The following PEX5L variants were observed in gnomAD, a reference collection of about 807,000 sequenced individuals.
The protein encoded by PEX5L is PEX5-related protein.
A neutral mutation model predicts 84.0 loss-of-function variants in PEX5L; 30 were observed. The observed-to-expected ratio is 0.36, with a 90% CI of 0.27 to 0.48. PEX5L has a LOEUF of 0.48. PEX5L is among the 20% of genes least tolerant of loss of function. The probability of loss-of-function intolerance (pLI) is 0.99; values close to 1 mark genes in which losing one functional copy is unlikely to be tolerated. For missense variants in PEX5L, 533 were observed against 754.6 expected (o/e 0.71, Z 3.44); for synonymous variants, 270 against 283.1 (o/e 0.95, Z 0.46).
chr3:179,958,325 A>G (rs1578975883), intron 2 of PEX5L, among the ~76,000 whole-genome samples: 1 of 152,202 alleles, frequency 6.6e-6, no homozygotes, highest in Non-Finnish European at 1.5e-5. Flanking sequence ...GTACTGCCGC[A>G]CAGGCTGTGT....
Position 179,802,025 on chromosome 3 carries a change from C to T in PEX5L, c.1684G>A (p.Val562Ile), listed in dbSNP as rs1386945342. 6.2e-7 allele frequency: 1 copy of T among 1,610,112 alleles called. No homozygotes were observed. Among genetic ancestry groups the T allele is most frequent in the Admixed American group, 1.7e-5 (1 of 60,010 alleles). The change falls in exon 15 of 15, where the codon GTC (valine) becomes ATC (isoleucine). Residue 562 changes from valine (V) to isoleucine (I), a missense_variant. Val to Ile is a conservative substitution (Grantham distance 29). This residue lies in a region of PEX5L where 105 missense variants were observed against 204.6 expected (regional missense o/e 0.51). Coordinates refer to ENST00000467460, the MANE Select transcript of PEX5L (RefSeq NM_016559.3). ...CTGAGGGCAGTGAGAAAATTGCTGA[C>T]CGCTTCTCTAAGAAGGTAGAAAAAC... is the stretch of plus-strand genomic sequence containing the variant. ...CINLGAYREAVSNFLTALSLQ... is the reference protein window; with the variant it reads ...CINLGAYREAISNFLTALSLQ...
chr3:179,900,969 CCAAAT>C (rs1253269681), intron 2 of PEX5L, among the ~76,000 whole-genome samples: 2 of 152,146 alleles, frequency 1.3e-5, no homozygotes, highest in Non-Finnish European at 2.9e-5. Context: ...AAGATTTCCC[CCAAAT>C]CAAATTGCCT....
At chr3:179,902,081 A>T (rs1678810903) in intron 2 of PEX5L, 1 of 152,282 alleles carries the variant, frequency 6.6e-6, no homozygotes, top group African/African-American at 2.4e-5. Context: ...CGCGCTGGGC[A>T]CTCTGGTAAA....
chr3:179,971,476 T>G lies in PEX5L; in HGVS notation c.93+118A>C, dbSNP rs3774256. On this transcript the variant is annotated intron_variant, in intron 2 of 14. Transcript: ENST00000467460. ...CTTAGCTGCTCTCAAAATCTTGTTA[T>G]GCAGGCTTTAGTCAGACAGGCTAAT... 3.1e-6 allele frequency: 4 copies of G among 1,293,472 alleles called. No homozygotes were observed. In the African/African-American group the frequency reaches 6.1e-5, roughly 20 times the overall value. The allele number at this position is 1,293,472 out of a possible 1,614,324, so 80.1% of individuals were successfully genotyped here.
intron 2 of PEX5L, among the ~76,000 whole-genome samples, chr3:179,927,830 C>T (rs1347254489): frequency 6.6e-6 from 1 of 152,170 alleles, no homozygotes; most frequent in African/African-American, 2.4e-5. Context: ...GCTCATGTCA[C>T]TAGCACACTA....
chr3:179,885,361 T>A (rs1205828615), intron 4 of PEX5L, among the ~76,000 whole-genome samples: 1 of 151,942 alleles, frequency 6.6e-6, no homozygotes, highest in South Asian at 2.1e-4. Context: ...AAAGGGGAAA[T>A]TTGGGCCAGG....
chr3:180,033,388 T>C (rs1007374038), intron 1 of PEX5L, among the ~76,000 whole-genome samples: 1 of 132,484 alleles, frequency 7.5e-6, no homozygotes, highest in Non-Finnish European at 1.5e-5. Context: ...CCTTCTGAAA[T>C]AACTTTCTTT....
Position 179,801,780 on chromosome 3 carries a change from G to A in PEX5L, c.*48C>T, listed in dbSNP as rs1210644833. ...TAATAAAATAGTTTTTGATTTTTCA[G>A]TACAATCACACAGATCAGGGATTAT... On this transcript the variant is annotated 3_prime_UTR_variant, in exon 15 of 15. Coordinates refer to ENST00000467460, the MANE Select transcript of PEX5L (RefSeq NM_016559.3). 5 of 1,184,324 alleles carry A rather than the reference G, an allele frequency of 4.2e-6. No individual in the cohort carries two copies. In the Admixed American group the frequency reaches 8.6e-5, roughly 20 times the overall value. The allele number at this position is 1,184,324 out of a possible 1,614,324, so 73.4% of individuals were successfully genotyped here. A position where few individuals can be genotyped will look rare whatever the true frequency, so the allele number is the denominator to read the frequency against.
At chr3:179,806,496 C>T (rs143261775) in intron 14 of PEX5L, among the ~76,000 whole-genome samples, 2 of 152,294 alleles carry the variant, frequency 1.3e-5, no homozygotes, top group Non-Finnish European at 2.9e-5. Flanking sequence ...TTTTTTCGTA[C>T]AGTGCAACAA....
chr3:179,817,122 T>C (rs1029574382), intron 9 of PEX5L, among the ~76,000 whole-genome samples: 2 of 152,194 alleles, frequency 1.3e-5, no homozygotes, highest in African/African-American at 2.4e-5. Flanking sequence ...TAGCTAAGAA[T>C]TTTTTTGCCT....
At chr3:179,980,132 T>C (rs1259167018) in intron 1 of PEX5L, among the ~76,000 whole-genome samples, 3 of 152,204 alleles carry the variant, frequency 2.0e-5, no homozygotes, top group African/African-American at 7.2e-5. Flanking sequence ...TTGGAAACTC[T>C]GACACATGCT....
At chr3:179,989,255 G>A (rs571245286) in intron 1 of PEX5L, among the ~76,000 whole-genome samples, 5 of 152,108 alleles carry the variant, frequency 3.3e-5, no homozygotes, top group Admixed American at 2.6e-4. Context: ...GTATCACCAC[G>A]ATCTAGGAGA....
chr3:179,832,735 C>T (rs766831082), intron 8 of PEX5L, among the ~76,000 whole-genome samples: 20 of 151,900 alleles, frequency 1.3e-4, no homozygotes, highest in South Asian at 8.3e-4. Context: ...CACCCACTTA[C>T]CTACCCACGT....
rs117880117 is a variant in PEX5L, at chr3:180,023,280, C to T, written c.21+13299G>A. ...GAGGCACTCTAAAGATTAACTTTTA[C>T]GAACATCTCACTGTCACAAAAAGTG... On this transcript the variant is annotated intron_variant, in intron 1 of 14. Transcript: ENST00000467460. Among the ~76,000 whole-genome samples, 42 of 152,204 alleles carry T rather than the reference C, an allele frequency of 2.8e-4. No homozygotes were observed. In the East Asian group the frequency reaches 4.2e-3, roughly 15 times the overall value.
At chr3:179,895,272 G>A (rs1457130351) in intron 3 of PEX5L, among the ~76,000 whole-genome samples, 1 of 152,034 alleles carries the variant, frequency 6.6e-6, no homozygotes, top group African/African-American at 2.4e-5. Context: ...GAAATCTGGT[G>A]TGTATTTTAT....
chr3:179,817,494 A>G (rs570483590), intron 9 of PEX5L, among the ~76,000 whole-genome samples: 2 of 152,312 alleles, frequency 1.3e-5, no homozygotes, highest in Non-Finnish European at 2.9e-5. Flanking sequence ...TGCTGCATGT[A>G]CTTATTACCT....
intron 2 of PEX5L, among the ~76,000 whole-genome samples, chr3:179,906,831 C>A (rs1012578631): frequency 1.3e-5 from 2 of 152,102 alleles, no homozygotes; most frequent in East Asian, 3.8e-4. Flanking sequence ...ACTGTTTGTA[C>A]CTTACTTGCA....
chr3:179,953,284 T>A (rs980752781), intron 2 of PEX5L, among the ~76,000 whole-genome samples: 16 of 152,076 alleles, frequency 1.1e-4, no homozygotes, highest in African/African-American at 3.9e-4. Flanking sequence ...CTTCTGCACA[T>A]CAAAAGAAAC....
chr3:179,831,856 A>C (rs1275443405), intron 8 of PEX5L, among the ~76,000 whole-genome samples: 1 of 152,248 alleles, frequency 6.6e-6, no homozygotes, highest in Non-Finnish European at 1.5e-5. Flanking sequence ...TGACGATGCC[A>C]GTGTAGACCT....
Sources: allele counts gnomAD v4.1 joint callset (sites outside exome capture counted in the v4.1 genomes callset), GRCh38; gene constraint gnomAD v4.1.1; regional missense constraint gnomAD v4.1.1; transcripts MANE v1.5; gene names NCBI Gene and HGNC (gene_info 2026-07-23, HGNC 2026-07-21).